The following PTPRO variants were observed in gnomAD, a reference collection of about 807,000 sequenced individuals.
The protein encoded by PTPRO is receptor-type tyrosine-protein phosphatase O.
PTPRO carries 62 observed loss-of-function variants against 145.2 expected under a neutral mutation model. The ratio of observed to expected loss-of-function variants is 0.43; its 90% confidence interval spans 0.35 to 0.53. PTPRO has a LOEUF of 0.53. PTPRO is among the 20% of genes least tolerant of loss of function. The pLI is 0.01. For synonymous variants in PTPRO, 565 were observed against 514.7 expected (o/e 1.10, Z -1.32); for missense variants, 1,345 against 1,482.7 (o/e 0.91, Z 1.53).
intron 25 of PTPRO, among the ~76,000 whole-genome samples, chr12:15,593,143 A>G (rs1944587455): frequency 6.6e-6 from 1 of 152,230 alleles, no homozygotes; most frequent in Non-Finnish European, 1.5e-5. Flanking sequence ...GATGACCACA[A>G]GGGGTAGCTC....
chr12:15,358,494 A>G (rs1938070624), intron 1 of PTPRO, among the ~76,000 whole-genome samples: 1 of 152,142 alleles, frequency 6.6e-6, no homozygotes, highest in Non-Finnish European at 1.5e-5. Context: ...CCACGTCTCT[A>G]TGCATTTCAG....
chr12:15,586,882 C>T lies in PTPRO; in HGVS notation c.3256-15C>T. 3 of 1,613,842 alleles carry T rather than the reference C, an allele frequency of 1.9e-6. No homozygotes were observed. The highest frequency in any genetic ancestry group is 2.5e-6 in the Non-Finnish European group (3 of 1,179,902). ...CTGAAAAATTAATGCTTGTTTTTGGCTTTTTTCTCTAAAGGCTGACGAGAT... is the reference window on the plus strand; with the variant it reads ...CTGAAAAATTAATGCTTGTTTTTGGTTTTTTTCTCTAAAGGCTGACGAGAT... On this transcript the variant is annotated splice_polypyrimidine_tract_variant and intron_variant, in intron 23 of 26. Coordinates refer to ENST00000281171, the MANE Select transcript of PTPRO (RefSeq NM_030667.3).
chr12:15,415,986 T>C (rs533216890), intron 1 of PTPRO, among the ~76,000 whole-genome samples: 1 of 151,878 alleles, frequency 6.6e-6, no homozygotes. Context: ...GTCTCTCATT[T>C]AAATTCAGGG....
intron 1 of PTPRO, among the ~76,000 whole-genome samples, chr12:15,378,674 C>G (rs1350485363): frequency 1.3e-5 from 2 of 152,044 alleles, no homozygotes; most frequent in Admixed American, 1.3e-4. Flanking sequence ...AAAATAGAAG[C>G]TAAGAGAACA....
chr12:15,556,525 T>G (rs1943631243), intron 15 of PTPRO, among the ~76,000 whole-genome samples: 1 of 151,950 alleles, frequency 6.6e-6, no homozygotes, highest in Non-Finnish European at 1.5e-5. Context: ...AAAAAAAACT[T>G]CAACAGTGTT....
intron 7 of PTPRO, 50 bp from the exon 8 acceptor site, chr12:15,515,448 A>C: frequency 6.2e-7 from 1 of 1,607,334 alleles, no homozygotes; most frequent in Non-Finnish European, 8.5e-7. Flanking sequence ...TCTGTGTAAC[A>C]TTCTGAAATC....
chr12:15,482,183 G>A lies in PTPRO; in HGVS notation c.76-1791G>A, dbSNP rs887164689. Among the ~76,000 whole-genome samples the A allele has an allele frequency of 1.1e-4, 16 of 150,580 alleles. No homozygotes were observed. The East Asian group carries it at 2.3e-3, about 22-fold the overall frequency. ...TGTGTGTGTGTATATATATATATGT[G>A]TGTGTGTGGAATATCATTCAGCCTT... is the stretch of plus-strand genomic sequence containing the variant. On this transcript the variant is annotated intron_variant, in intron 1 of 26. Coordinates refer to ENST00000281171, the MANE Select transcript of PTPRO (RefSeq NM_030667.3).
chr12:15,420,598 A>G (rs1219548408), intron 1 of PTPRO, among the ~76,000 whole-genome samples: 1 of 150,116 alleles, frequency 6.7e-6, no homozygotes, highest in Non-Finnish European at 1.5e-5. Context: ...TGCAGTGATT[A>G]GACGAAATAC....
intron 1 of PTPRO, among the ~76,000 whole-genome samples, chr12:15,452,582 A>T (rs1204797628): frequency 2.0e-5 from 3 of 152,192 alleles, no homozygotes; most frequent in Non-Finnish European, 4.4e-5. Flanking sequence ...ATGAATATAG[A>T]TGCAAAAAGT....
At chr12:15,419,089 C>T (rs79693961) in intron 1 of PTPRO, among the ~76,000 whole-genome samples, 2,314 of 151,446 alleles carry the variant, frequency 0.015, 162 homozygotes, top group African/African-American at 0.054. Flanking sequence ...AAAATAGGTG[C>T]GATTTGGAAA....
In PTPRO at chr12:15,598,328, C is replaced by T. The variant is rs1398346835; in HGVS notation, c.*2255C>T. On this transcript the variant is annotated 3_prime_UTR_variant, in exon 27 of 27. Transcript: ENST00000281171. The stretch of plus-strand genomic sequence containing the variant: ...CTCAGTTAATAAACTGAAGAATGAC[C>T]TAATCATAACTCCATATCTTGCAAC... Among the ~76,000 whole-genome samples, 1 of 152,116 alleles carries T rather than the reference C, an allele frequency of 6.6e-6. No homozygotes were observed. The highest frequency in any genetic ancestry group is 1.5e-5 in the Non-Finnish European group (1 of 68,020).
rs1229471302 is a variant in PTPRO at position 15,508,773 on chromosome 12, G to A, written c.1464+6G>A. 1.2e-6 allele frequency: 2 copies of A among 1,613,678 alleles called. No homozygotes were observed. The highest frequency in any genetic ancestry group is 1.7e-6 in the Non-Finnish European group (2 of 1,179,898). On this transcript the variant is annotated splice_donor_region_variant and intron_variant, in intron 7 of 26. Transcript: ENST00000281171. ...AAAAGCAGTACTGCACTCAGGTAAA[G>A]GAGAGGAAATGAGAATGGGCTCGCC...
intron 12 of PTPRO, among the ~76,000 whole-genome samples, chr12:15,536,310 T>G (rs1403356656): frequency 6.6e-6 from 1 of 150,600 alleles, no homozygotes; most frequent in Non-Finnish European, 1.5e-5. Context: ...AGGAGTAGAG[T>G]AAGTGTCACT....
At chr12:15,517,357 A>G (rs551099727) in intron 9 of PTPRO, among the ~76,000 whole-genome samples, 1 of 152,316 alleles carries the variant, frequency 6.6e-6, no homozygotes, top group South Asian at 2.1e-4. Context: ...GTTACTTCCC[A>G]CAGGGTCCCT....
Position 15,497,324 on chromosome 12 carries a change from T to C in PTPRO, c.429T>C (p.Tyr143=). 2 of 1,606,748 alleles carry C rather than the reference T, an allele frequency of 1.2e-6. No individual in the cohort carries two copies. The highest frequency in any genetic ancestry group is 1.3e-5 in the African/African-American group (1 of 74,866). The change falls in exon 3 of 27, where the codon TAT becomes TAC. Residue 143 remains tyrosine (Y), a synonymous_variant. Coordinates refer to ENST00000281171, the MANE Select transcript of PTPRO (RefSeq NM_030667.3). ...PETGVLFEIH[Y]PEKYNVFTRV... ...CAGGAGTCCTGTTTGAAATACATTATCCAGAAAAATATAACGTTTTCACAA... is the reference window on the plus strand; with the variant it reads ...CAGGAGTCCTGTTTGAAATACATTACCCAGAAAAATATAACGTTTTCACAA...
At chr12:15,323,060 G>A (rs1866347368) in intron 1 of PTPRO, among the ~76,000 whole-genome samples, 1 of 152,246 alleles carries the variant, frequency 6.6e-6, no homozygotes, top group African/African-American at 2.4e-5. Flanking sequence ...TTTTATCGCT[G>A]CTGAAATCCA....
intron 1 of PTPRO, among the ~76,000 whole-genome samples, chr12:15,455,138 A>G (rs762697697): frequency 2.0e-5 from 3 of 152,032 alleles, no homozygotes; most frequent in Non-Finnish European, 2.9e-5. Context: ...TCCTTCTGTC[A>G]GATAATATTT....
At chr12:15,485,927 G>T (rs191805631) in intron 2 of PTPRO, among the ~76,000 whole-genome samples, 314 of 152,266 alleles carry the variant, frequency 2.1e-3, no homozygotes, top group South Asian at 7.7e-3. Context: ...TGTGATCAGA[G>T]AACATATTTT....
chr12:15,414,526 T>C (rs1414908808), intron 1 of PTPRO, among the ~76,000 whole-genome samples: 1 of 152,224 alleles, frequency 6.6e-6, no homozygotes, highest in Non-Finnish European at 1.5e-5. Flanking sequence ...TATTTTATTT[T>C]ATCCTGGTAA....
Sources: allele counts gnomAD v4.1 joint callset (sites outside exome capture counted in the v4.1 genomes callset), GRCh38; gene constraint gnomAD v4.1.1; transcripts MANE v1.5; gene names NCBI Gene and HGNC (gene_info 2026-07-23, HGNC 2026-07-21).